Variants in COL25A1 observed in about 807,000 individuals in gnomAD.
COL25A1 encodes the protein collagen alpha-1(XXV) chain.
Under a neutral mutation model 128.4 loss-of-function variants are expected in COL25A1, and 103 were observed. The observed-to-expected ratio is 0.80, with a 90% confidence interval of 0.68 to 0.94. The LOEUF (loss-of-function observed/expected upper bound fraction) is 0.94, where lower values mean the gene tolerates loss of function less well. Among genes scored for constraint, COL25A1 ranks in the 40% least tolerant of loss-of-function variants. COL25A1 has a pLI of 0.00. For synonymous variants in COL25A1, 279 were observed against 277.2 expected, an observed-to-expected ratio of 1.01 and a Z score of -0.06; for missense variants, 745 against 840.0, an observed-to-expected ratio of 0.89 and a Z score of 1.40.
chr4:109,251,994 G>A (rs77503599), intron 3 of COL25A1, among the ~76,000 whole-genome samples: 5,997 of 152,274 alleles, frequency 0.039, 405 homozygotes, highest in African/African-American at 0.14. Context: ...GTTGGGGAAC[G>A]TTGCAAGGCC....
At chr4:109,099,922 T>G (rs561720763) in intron 3 of COL25A1, among the ~76,000 whole-genome samples, 1 of 152,216 alleles carries the variant, frequency 6.6e-6, no homozygotes, top group South Asian at 2.1e-4. Flanking sequence ...AGAGATATGA[T>G]TTTTTTCACC....
At chr4:108,992,171 A>G (rs1452946254) in intron 6 of COL25A1, among the ~76,000 whole-genome samples, 2 of 152,184 alleles carry the variant, frequency 1.3e-5, no homozygotes, top group Non-Finnish European at 2.9e-5. Flanking sequence ...AACACGCATA[A>G]CACTTTACTC....
chr4:108,929,420 G>A (rs72668383), intron 11 of COL25A1, among the ~76,000 whole-genome samples: 34,647 of 151,730 alleles, frequency 0.23, 4,279 homozygotes, highest in African/African-American at 0.3. Flanking sequence ...CACCGCGCCC[G>A]GCTGGTGTGA....
At chr4:109,286,718 A>G (rs959859672) in intron 3 of COL25A1, among the ~76,000 whole-genome samples, 1 of 152,164 alleles carries the variant, frequency 6.6e-6, no homozygotes, top group African/African-American at 2.4e-5. Flanking sequence ...CCAGCCCCCC[A>G]AAATAAAGAA....
Position 109,125,420 on chromosome 4 carries a change from C to T in COL25A1, c.368-75241G>A, listed in dbSNP as rs558681150. On this transcript the variant is annotated intron_variant, in intron 3 of 37. Transcript: ENST00000399132. The stretch of plus-strand genomic sequence containing the variant: ...TACAGCTGGCAGGGTGCTGAACACC[C>T]GATTTCTTTCAATGAGTATATTTTC... 3.9e-5 allele frequency among the ~76,000 whole-genome samples: 6 copies of T among 152,062 alleles called. No homozygotes were observed. The East Asian group carries it at 5.8e-4, about 15-fold the overall frequency.
At chr4:108,976,171 G>A (rs1752422691) in intron 6 of COL25A1, among the ~76,000 whole-genome samples, 1 of 151,990 alleles carries the variant, frequency 6.6e-6, no homozygotes, top group Non-Finnish European at 1.5e-5. Context: ...TAGTTTAGAA[G>A]CTATTTTTTT....
chr4:109,247,987 T>A lies in COL25A1; in HGVS notation c.367+52596A>T, dbSNP rs184887345. Among the ~76,000 whole-genome samples the A allele has an allele frequency of 6.2e-3, 936 of 152,014 alleles. 6 individuals carry two copies. Among genetic ancestry groups the A allele is most frequent in the Non-Finnish European group, 9.8e-3 (663 of 67,942 alleles). ...GGGAAAGTAAGTTCACGGAAGGAGG[T>A]ATAGTCAACAGAGTCAATTGCTAAA... On this transcript the variant is annotated intron_variant, in intron 3 of 37. Transcript: ENST00000399132.
intron 19 of COL25A1, among the ~76,000 whole-genome samples, chr4:108,881,626 C>A (rs998143242): frequency 2.0e-5 from 3 of 151,862 alleles, no homozygotes; most frequent in Non-Finnish European, 4.4e-5. Context: ...GTGGTGGCTA[C>A]CTAATAGAAG....
At chr4:108,862,442 C>A in intron 22 of COL25A1, 59 bp downstream of exon 22, 1 of 1,339,128 alleles carries the variant, frequency 7.5e-7, no homozygotes, top group Non-Finnish European at 1.1e-6. Context: ...GTGGCAAAGG[C>A]AAAAAGCACA....
intron 26 of COL25A1, among the ~76,000 whole-genome samples, chr4:108,850,068 G>A (rs1182005951): frequency 1.3e-5 from 2 of 152,168 alleles, no homozygotes. Context: ...TTCATTCAGA[G>A]TCTGAATACT....
intron 3 of COL25A1, among the ~76,000 whole-genome samples, chr4:109,211,274 C>CAA (rs1553960153): frequency 2.5e-4 from 4 of 15,968 alleles, no homozygotes; most frequent in Non-Finnish European, 3.6e-4. Flanking sequence ...ATATATGAAA[C>CAA]TATATATATA....
At chr4:108,979,976 G>C (rs890844667) in intron 6 of COL25A1, among the ~76,000 whole-genome samples, 2 of 152,180 alleles carry the variant, frequency 1.3e-5, no homozygotes, top group South Asian at 2.1e-4. Context: ...AAGCAGGCCC[G>C]GGGGGAAGGG....
chr4:109,213,433 T>G (rs1249731455), intron 3 of COL25A1, among the ~76,000 whole-genome samples: 1 of 152,200 alleles, frequency 6.6e-6, no homozygotes, highest in Admixed American at 6.5e-5. Flanking sequence ...GGCCTTAGGA[T>G]GCTGGCAGCT....
chr4:108,887,113 G>A (rs956957193), intron 18 of COL25A1, among the ~76,000 whole-genome samples: 1 of 152,014 alleles, frequency 6.6e-6, no homozygotes, highest in Non-Finnish European at 1.5e-5. Flanking sequence ...AAACTCTCGA[G>A]GCTATAAAAG....
At chr4:108,995,433 G>T (rs1754673548) in intron 6 of COL25A1, among the ~76,000 whole-genome samples, 1 of 152,170 alleles carries the variant, frequency 6.6e-6, no homozygotes, top group Non-Finnish European at 1.5e-5. Flanking sequence ...AGAGTGAAAA[G>T]AAATGAACAA....
intron 3 of COL25A1, among the ~76,000 whole-genome samples, chr4:109,185,674 T>C (rs1260650301): frequency 6.6e-6 from 1 of 152,064 alleles, no homozygotes. Flanking sequence ...TCTAAGGCAA[T>C]AATTATGGTT....
chr4:108,857,390 A>G (rs1197690357), intron 24 of COL25A1, among the ~76,000 whole-genome samples: 4 of 152,070 alleles, frequency 2.6e-5, no homozygotes, highest in Admixed American at 1.3e-4. Context: ...ATTTGACAGT[A>G]ACCCAGAGGC....
At position 109,060,389 on chromosome 4, in the gene COL25A1, C is replaced by G. The variant is rs531375548; in HGVS notation, c.368-10210G>C. Among the ~76,000 whole-genome samples, 41 of 152,292 alleles carry G rather than the reference C, an allele frequency of 2.7e-4. 1 individual carries two copies. Among genetic ancestry groups the G allele is most frequent in the Admixed American group, 2.6e-3 (39 of 15,294 alleles). Reference sequence around the variant, plus strand: ...CTTCTTACAATTCTTCCATGGCCCCCTTGACCCCCACCTCATTGCCCTCTT... The same window carrying G: ...CTTCTTACAATTCTTCCATGGCCCCGTTGACCCCCACCTCATTGCCCTCTT... On this transcript the variant is annotated intron_variant, in intron 3 of 37. Transcript: ENST00000399132.
At chr4:109,078,709 C>A (rs1019391553) in intron 3 of COL25A1, among the ~76,000 whole-genome samples, 12 of 152,290 alleles carry the variant, frequency 7.9e-5, no homozygotes, top group Non-Finnish European at 1.5e-4. Context: ...AGGGGAAAAA[C>A]TAGATGAATT....
Sources: gnomAD v4.1 joint callset for allele counts (sites outside exome capture counted in the v4.1 genomes callset) on GRCh38, gnomAD v4.1.1 for gene constraint, MANE v1.5 for transcripts, NCBI Gene and HGNC (gene_info 2026-07-23, HGNC 2026-07-21) for gene names.